SLX4IP: variants seen among roughly 807,000 people sequenced by gnomAD.
SLX4IP encodes protein SLX4IP.
In SLX4IP, 34 loss-of-function variants were observed where a neutral mutation model predicts 32.9. The observed-to-expected ratio is 1.03, with a 90% CI of 0.79 to 1.38. The LOEUF is 1.38. SLX4IP is among the 40% of genes most tolerant of loss of function. SLX4IP has a pLI of 0.00. For synonymous variants in SLX4IP, 172 were observed against 171.7 expected (o/e 1.00, Z -0.01); for missense variants, 444 against 479.0 (o/e 0.93, Z 0.68).
At chr20:10,455,579 TTTTATTTATTTA>T (rs142542742) in intron 1 of SLX4IP, among the ~76,000 whole-genome samples, 20 of 145,000 alleles carry the variant, frequency 1.4e-4, no homozygotes, top group South Asian at 2.3e-4. Flanking sequence ...CCTGTATGTC[TTTTATTTATTTA>T]TTTATTTATT....
intron 4 of SLX4IP, among the ~76,000 whole-genome samples, chr20:10,566,533 G>A (rs629127): frequency 6.6e-6 from 1 of 151,970 alleles, no homozygotes; most frequent in Non-Finnish European, 1.5e-5. Flanking sequence ...TGGTCACCTC[G>A]CTTTTCCAGT....
At position 10,614,826 on chromosome 20, in the gene SLX4IP, G is replaced by T. The variant is rs149003957; in HGVS notation, c.406-6488G>T. Among the ~76,000 whole-genome samples, 437 of 152,218 alleles carry T rather than the reference G, an allele frequency of 2.9e-3. 4 individuals carry two copies. Among genetic ancestry groups the T allele is most frequent in the African/African-American group, 9.9e-3 (411 of 41,520 alleles). Reference sequence around the variant, plus strand: ...CTTACTGCAAAATTCTTCCAAAGTGGTGTTGTCTAGACCTGTGCTGGCCAG... The same window carrying T: ...CTTACTGCAAAATTCTTCCAAAGTGTTGTTGTCTAGACCTGTGCTGGCCAG... On this transcript the variant is annotated intron_variant, in intron 6 of 7. Coordinates refer to ENST00000334534, the MANE Select transcript of SLX4IP (RefSeq NM_001009608.3).
At chr20:10,463,887 TC>T (rs1315254732) in intron 2 of SLX4IP, among the ~76,000 whole-genome samples, 1 of 152,138 alleles carries the variant, frequency 6.6e-6, no homozygotes, top group Non-Finnish European at 1.5e-5. Flanking sequence ...GCTCAAGTGA[TC>T]CTCCTGCATG....
chr20:10,602,370 G>A (rs991128507), intron 6 of SLX4IP, among the ~76,000 whole-genome samples: 10 of 151,586 alleles, frequency 6.6e-5, no homozygotes, highest in African/African-American at 2.4e-4. Flanking sequence ...GCTAAGTCTT[G>A]AGTTCCAGCA....
chr20:10,436,624 G>A lies in SLX4IP; in HGVS notation c.-30+1171G>A, dbSNP rs2065118113. ...ACCCGCCTTGGCCTCCAAAGTCCTGGGATCACAGGCCTGAGACATCACGCC... is the reference window on the plus strand; with the variant it reads ...ACCCGCCTTGGCCTCCAAAGTCCTGAGATCACAGGCCTGAGACATCACGCC... On this transcript the variant is annotated intron_variant, in intron 1 of 7. Transcript: ENST00000334534. Among the ~76,000 whole-genome samples, 3 of 152,188 alleles carry A rather than the reference G, an allele frequency of 2.0e-5. No individual in the cohort carries two copies. In the South Asian group the frequency reaches 6.2e-4, roughly 32 times the overall value.
intron 4 of SLX4IP, among the ~76,000 whole-genome samples, chr20:10,597,602 C>T (rs2066786964): frequency 6.6e-6 from 1 of 152,214 alleles, no homozygotes; most frequent in East Asian, 1.9e-4. Flanking sequence ...ATAACTGTAG[C>T]TCATTCATTT....
At chr20:10,618,082 C>T (rs1192063059) in intron 6 of SLX4IP, among the ~76,000 whole-genome samples, 2 of 152,202 alleles carry the variant, frequency 1.3e-5, no homozygotes, top group African/African-American at 4.8e-5. Flanking sequence ...CCCAGGTCAG[C>T]CCATACAGGA....
intron 2 of SLX4IP, among the ~76,000 whole-genome samples, chr20:10,534,278 T>C (rs1568728003): frequency 6.6e-6 from 1 of 152,186 alleles, no homozygotes; most frequent in Admixed American, 6.5e-5. Context: ...GCCTCCTTCC[T>C]TTCTTTCTGC....
intron 4 of SLX4IP, among the ~76,000 whole-genome samples, chr20:10,593,700 C>T (rs942984327): frequency 7.2e-5 from 11 of 152,076 alleles, no homozygotes; most frequent in African/African-American, 2.7e-4. Context: ...TGTGCCACTG[C>T]ACTCCAGCCT....
intron 2 of SLX4IP, among the ~76,000 whole-genome samples, chr20:10,512,764 T>C (rs996256601): frequency 9.5e-5 from 11 of 115,758 alleles, no homozygotes; most frequent in African/African-American, 2.5e-4. Flanking sequence ...TGTATATATA[T>C]ACACACACAC....
chr20:10,438,463 G>A (rs895021611), intron 1 of SLX4IP, among the ~76,000 whole-genome samples: 2 of 149,920 alleles, frequency 1.3e-5, no homozygotes, highest in African/African-American at 4.9e-5. Context: ...GCATTTCCTA[G>A]GTGTGTGTGT....
intron 4 of SLX4IP, among the ~76,000 whole-genome samples, chr20:10,590,580 C>T (rs1386220308): frequency 6.6e-6 from 1 of 152,062 alleles, no homozygotes. Context: ...AGGCTGGTCT[C>T]AAACTCTTGA....
chr20:10,563,379 C>A lies in SLX4IP; in HGVS notation c.238+2559C>A, dbSNP rs969173451. 2.6e-5 allele frequency among the ~76,000 whole-genome samples: 4 copies of A among 152,266 alleles called. No individual in the cohort carries two copies. The East Asian group carries it at 5.8e-4, about 22-fold the overall frequency. ...TGTCTCTTCATGCTGTTGATTGTTT[C>A]CTTTGCTGTATAGAAGATTTTTAGT... is the stretch of plus-strand genomic sequence containing the variant. On this transcript the variant is annotated intron_variant, in intron 4 of 7. Coordinates refer to ENST00000334534, the MANE Select transcript of SLX4IP (RefSeq NM_001009608.3).
chr20:10,477,274 G>A (rs1044426268), intron 2 of SLX4IP, among the ~76,000 whole-genome samples: 3 of 152,126 alleles, frequency 2.0e-5, no homozygotes, highest in African/African-American at 4.8e-5. Flanking sequence ...AGCCTCCTGA[G>A]TAGCTGGGTT....
At chr20:10,460,957 G>T (rs2065332393) in intron 2 of SLX4IP, among the ~76,000 whole-genome samples, 1 of 152,110 alleles carries the variant, frequency 6.6e-6, no homozygotes. Flanking sequence ...TCTGGCTTGG[G>T]ATAAAATGTA....
chr20:10,474,142 C>T (rs1174724842), intron 2 of SLX4IP, among the ~76,000 whole-genome samples: 1 of 152,106 alleles, frequency 6.6e-6, no homozygotes. Flanking sequence ...TCTTGAACTC[C>T]TGACCTGAGG....
chr20:10,612,051 A>G (rs992318779), intron 6 of SLX4IP, among the ~76,000 whole-genome samples: 2 of 152,184 alleles, frequency 1.3e-5, no homozygotes, highest in Non-Finnish European at 2.9e-5. Flanking sequence ...ACATAGTGAC[A>G]ATACCTGCCC....
chr20:10,467,162 G>A (rs1002028760), intron 2 of SLX4IP, among the ~76,000 whole-genome samples: 3 of 152,060 alleles, frequency 2.0e-5, no homozygotes, highest in African/African-American at 4.8e-5. Flanking sequence ...AGGTTTTTTC[G>A]TCTACTTAAA....
chr20:10,605,496 G>A (rs906116713), intron 6 of SLX4IP, among the ~76,000 whole-genome samples: 22 of 152,108 alleles, frequency 1.4e-4, no homozygotes, highest in Admixed American at 1.4e-3. Context: ...ATCTTTAAGG[G>A]TTCCATTGGA....
Sources: gnomAD v4.1 joint callset for allele counts (sites outside exome capture counted in the v4.1 genomes callset) on GRCh38, gnomAD v4.1.1 for gene constraint, MANE v1.5 for transcripts, NCBI Gene and HGNC (gene_info 2026-07-23, HGNC 2026-07-21) for gene names.